The following ASAP2 variants were observed in gnomAD, a reference collection of about 807,000 sequenced individuals.
ASAP2 encodes ArfGAP with SH3 domain, ankyrin repeat and PH domain 2, also known as arf-GAP with SH3 domain, ANK repeat and PH domain-containing protein 2.
A neutral mutation model predicts 131.4 loss-of-function variants in ASAP2; 45 were observed. That is an observed-to-expected ratio of 0.34 (90% CI 0.27 to 0.44). The LOEUF (loss-of-function observed/expected upper bound fraction) is 0.44. Among genes scored for constraint, ASAP2 ranks in the 20% least tolerant of loss-of-function variants. The pLI is 1.00. For synonymous variants in ASAP2, 510 were observed against 503.0 expected (o/e 1.01, Z -0.19); for missense variants, 1,011 against 1,297.0 (o/e 0.78, Z 3.39).
At position 9,207,767 on chromosome 2, in the gene ASAP2, C is replaced by T. The variant is rs1661230906; in HGVS notation, c.126+537C>T. Among the ~76,000 whole-genome samples, 2 of 152,130 alleles carry T rather than the reference C, an allele frequency of 1.3e-5. No individual in the cohort carries two copies. The highest frequency in any genetic ancestry group is 2.9e-5 in the Non-Finnish European group (2 of 67,996). On this transcript the variant is annotated intron_variant, in intron 1 of 27. Coordinates refer to ENST00000281419, the MANE Select transcript of ASAP2 (RefSeq NM_003887.3). The surrounding 1 kb of genome is among the most constrained non-coding windows in gnomAD (Gnocchi z 4.1). ...CAGCCAGGGCGGCCTGGCTGCGCTC[C>T]ACCCGTGCCCGGAGAAGGAACTGCG...
At chr2:9,394,864 T>C (rs1175606428) in intron 24 of ASAP2, among the ~76,000 whole-genome samples, 4 of 151,918 alleles carry the variant, frequency 2.6e-5, no homozygotes, top group Non-Finnish European at 5.9e-5. Flanking sequence ...AGCCTGGGGG[T>C]GGTTGGACAC....
intron 1 of ASAP2, among the ~76,000 whole-genome samples, chr2:9,214,182 A>G (rs1661812934): frequency 6.6e-6 from 1 of 152,162 alleles, no homozygotes; most frequent in South Asian, 2.1e-4. Flanking sequence ...TTTCTGTGTA[A>G]TGTGGCCTCC....
intron 1 of ASAP2, among the ~76,000 whole-genome samples, chr2:9,237,187 A>G (rs914021631): frequency 1.3e-5 from 2 of 151,976 alleles, no homozygotes; most frequent in Admixed American, 1.3e-4. Flanking sequence ...TAAAAAAAAA[A>G]GCCCTGTTTT....
At chr2:9,269,890 C>T (rs929534100) in intron 1 of ASAP2, among the ~76,000 whole-genome samples, 3 of 152,194 alleles carry the variant, frequency 2.0e-5, no homozygotes, top group African/African-American at 7.2e-5. Flanking sequence ...TGCACCGTCC[C>T]CACTGTCCCC....
intron 11 of ASAP2, among the ~76,000 whole-genome samples, chr2:9,347,207 C>T (rs1206548610): frequency 1.3e-5 from 2 of 152,178 alleles, no homozygotes; most frequent in African/African-American, 2.4e-5. Context: ...CTGAGTGTTC[C>T]TTTTCTCACC....
intron 9 of ASAP2, among the ~76,000 whole-genome samples, chr2:9,340,199 T>C (rs1671488933): frequency 6.6e-6 from 1 of 152,154 alleles, no homozygotes; most frequent in African/African-American, 2.4e-5. Flanking sequence ...ATTTTTGTAG[T>C]TTTAGTAGAG....
chr2:9,240,249 T>A (rs1397956654), intron 1 of ASAP2, among the ~76,000 whole-genome samples: 4 of 142,940 alleles, frequency 2.8e-5, no homozygotes, highest in African/African-American at 1.0e-4. Context: ...CCCATAATTT[T>A]TTTTTTTTTT....
chr2:9,210,774 G>A (rs994211128), intron 1 of ASAP2, among the ~76,000 whole-genome samples: 3 of 151,968 alleles, frequency 2.0e-5, no homozygotes, highest in South Asian at 4.2e-4. Context: ...CAGGATGGTC[G>A]ATGGTCTAGA....
intron 12 of ASAP2, among the ~76,000 whole-genome samples, chr2:9,352,248 A>ACACACACACACACACAC (rs1558357880): frequency 7.5e-6 from 1 of 133,744 alleles, no homozygotes; most frequent in African/African-American, 3.0e-5. Flanking sequence ...CACACACACA[A>ACACACACACACACACAC]ACACACACAC....
intron 2 of ASAP2, among the ~76,000 whole-genome samples, chr2:9,296,583 C>T (rs904864850): frequency 4.6e-5 from 7 of 152,388 alleles, no homozygotes; most frequent in South Asian, 2.1e-4. Context: ...TTCAGGCACA[C>T]GACTTCGTCG....
intron 15 of ASAP2, 26 bp downstream of exon 15, chr2:9,358,915 AT>A: frequency 6.3e-7 from 1 of 1,593,556 alleles, no homozygotes; most frequent in South Asian, 1.1e-5. Flanking sequence ...TTGATTTCAG[AT>A]TGGAAACAAA....
At chr2:9,254,800 G>T (rs148667240) in intron 1 of ASAP2, among the ~76,000 whole-genome samples, 1 of 152,056 alleles carries the variant, frequency 6.6e-6, no homozygotes, top group Non-Finnish European at 1.5e-5. Flanking sequence ...AAGATAAGCG[G>T]TACTACTTGT....
At chr2:9,246,763 G>A (rs1038141505) in intron 1 of ASAP2, among the ~76,000 whole-genome samples, 4 of 152,112 alleles carry the variant, frequency 2.6e-5, no homozygotes, top group East Asian at 1.9e-4. Context: ...ATTGTGGCTC[G>A]ATGTGGGAGA....
At chr2:9,228,912 A>G (rs79960426) in intron 1 of ASAP2, among the ~76,000 whole-genome samples, 1 of 152,284 alleles carries the variant, frequency 6.6e-6, no homozygotes, top group East Asian at 1.9e-4. Flanking sequence ...AATTTCTGTG[A>G]CATTTCCAGC....
At chr2:9,391,681 C>T (rs1170301649) in intron 23 of ASAP2, among the ~76,000 whole-genome samples, 1 of 149,706 alleles carries the variant, frequency 6.7e-6, no homozygotes, top group African/African-American at 2.5e-5. Context: ...TTCAAGAGAT[C>T]GTCCTGCCTC....
intron 7 of ASAP2, among the ~76,000 whole-genome samples, chr2:9,333,050 A>G (rs1304084713): frequency 6.6e-6 from 1 of 152,196 alleles, no homozygotes; most frequent in African/African-American, 2.4e-5. Flanking sequence ...ATTAAAGGCC[A>G]CGCTGCAGTG....
rs748322781 is a variant in ASAP2 at position 9,388,514 on chromosome 2, C to T, written c.2351C>T (p.Ala784Val). ...AQPAAPSTTSAPPLPPRNVGK... is the reference protein window; with the variant it reads ...AQPAAPSTTSVPPLPPRNVGK... Reference sequence around the variant, plus strand: ...CCTGCAGCCCCCAGCACCACCAGCGCCCCCCCGCTTCCTCCACGGAATGTT... The same window carrying T: ...CCTGCAGCCCCCAGCACCACCAGCGTCCCCCCGCTTCCTCCACGGAATGTT... The change falls in exon 22 of 28, where the codon GCC becomes GTC. Residue 784 changes from alanine to valine, a missense_variant. Physicochemically the swap from Ala to Val is moderately conservative, Grantham distance 64. This residue lies in a region of ASAP2 where 652 missense variants were observed against 698.9 expected (regional missense o/e 0.93). Coordinates refer to ENST00000281419, the MANE Select transcript of ASAP2 (RefSeq NM_003887.3). 4 of 1,612,852 alleles carry T rather than the reference C, an allele frequency of 2.5e-6. No individual in the cohort carries two copies. The highest frequency in any genetic ancestry group is 1.3e-5 in the African/African-American group (1 of 74,910).
rs1572643387 is a variant in ASAP2, at chr2:9,399,882, A to G, written c.2685-141A>G. 6.3e-6 allele frequency: 5 copies of G among 789,468 alleles called. No homozygotes were observed. The East Asian group carries it at 1.3e-4, about 21-fold the overall frequency. 48.9% of individuals were successfully genotyped at this position (789,468 alleles called of 1,614,324 possible). On this transcript the variant is annotated intron_variant, in intron 24 of 27. Coordinates refer to ENST00000281419, the MANE Select transcript of ASAP2 (RefSeq NM_003887.3). ...CTCTCATTCTTCCTTTTCCCATAAAAAAGAGACAGCTAAGTGACAGTGGAG... is the reference window on the plus strand; with the variant it reads ...CTCTCATTCTTCCTTTTCCCATAAAGAAGAGACAGCTAAGTGACAGTGGAG...
At chr2:9,278,919 G>A (rs1157901575) in intron 1 of ASAP2, among the ~76,000 whole-genome samples, 3 of 152,186 alleles carry the variant, frequency 2.0e-5, no homozygotes, top group East Asian at 1.9e-4. Flanking sequence ...GTGCAGGCAC[G>A]ATAGGAGTCC....
Sources: allele counts gnomAD v4.1 joint callset (sites outside exome capture counted in the v4.1 genomes callset), GRCh38; gene constraint gnomAD v4.1.1; regional missense constraint gnomAD v4.1.1; non-coding constraint Gnocchi (gnomAD v3.1); transcripts MANE v1.5; gene names NCBI Gene and HGNC (gene_info 2026-07-23, HGNC 2026-07-21).